FGGY: variants seen among roughly 807,000 people sequenced by gnomAD.
FGGY encodes the protein FGGY carbohydrate kinase domain-containing protein.
In FGGY, 72 loss-of-function variants were observed where a neutral mutation model predicts 71.3. The ratio of observed to expected loss-of-function variants is 1.01; its 90% CI spans 0.84 to 1.23. The LOEUF (loss-of-function observed/expected upper bound fraction) is 1.23, where lower values mean the gene tolerates loss of function less well. Among genes scored for constraint, FGGY ranks in the 50% most tolerant of loss-of-function variants. FGGY has a pLI of 0.00. For missense variants in FGGY, 668 were observed against 682.3 expected (o/e 0.98, Z 0.23); for synonymous variants, 251 against 250.3 (o/e 1.00, Z -0.02).
intron 14 of FGGY, among the ~76,000 whole-genome samples, chr1:59,694,444 T>G (rs1317535268): frequency 6.6e-6 from 1 of 152,108 alleles, no homozygotes; most frequent in Non-Finnish European, 1.5e-5. Context: ...TCTCAAAGTT[T>G]CCATTGTCTA....
intron 14 of FGGY, chr1:59,680,869 T>C (rs1044329220): frequency 3.3e-5 from 5 of 152,176 alleles, no homozygotes; most frequent in African/African-American, 9.7e-5. Flanking sequence ...TAGATACATA[T>C]ACATTGCTAG....
chr1:59,489,929 C>T (rs1419974018), intron 6 of FGGY, among the ~76,000 whole-genome samples: 3 of 152,102 alleles, frequency 2.0e-5, no homozygotes, highest in Non-Finnish European at 4.4e-5. Context: ...AAGATGATAT[C>T]TCATTATGGT....
chr1:59,458,730 A>G (rs776591325), intron 6 of FGGY, among the ~76,000 whole-genome samples: 1 of 152,164 alleles, frequency 6.6e-6, no homozygotes, highest in African/African-American at 2.4e-5. Context: ...TAAGCAGAAT[A>G]TTGCTGTACG....
chr1:59,731,824 A>T (rs1010560728), intron 14 of FGGY, among the ~76,000 whole-genome samples: 1 of 152,046 alleles, frequency 6.6e-6, no homozygotes, highest in African/African-American at 2.4e-5. Context: ...AATCCCCTGG[A>T]ATCTGGCTCT....
chr1:59,534,633 T>A (rs2095261249), intron 7 of FGGY, among the ~76,000 whole-genome samples: 1 of 152,168 alleles, frequency 6.6e-6, no homozygotes, highest in African/African-American at 2.4e-5. Context: ...AGCGGATCTC[T>A]TGGCAGAAAC....
chr1:59,345,994 T>C (rs2051804593), intron 3 of FGGY, among the ~76,000 whole-genome samples: 1 of 152,152 alleles, frequency 6.6e-6, no homozygotes, highest in South Asian at 2.1e-4. Context: ...AATTAATTGG[T>C]AGATGTTTTC....
At chr1:59,598,699 T>C (rs929522898) in intron 8 of FGGY, among the ~76,000 whole-genome samples, 4 of 152,192 alleles carry the variant, frequency 2.6e-5, no homozygotes, top group Non-Finnish European at 5.9e-5. Flanking sequence ...CTTAACCACT[T>C]TGAAACCCCC....
intron 14 of FGGY, among the ~76,000 whole-genome samples, chr1:59,741,672 A>G (rs893220496): frequency 1.3e-5 from 2 of 152,076 alleles, no homozygotes; most frequent in African/African-American, 4.8e-5. Context: ...CAGGCGGGCG[A>G]GGCGCGGTGG....
chr1:59,628,828 G>A (rs1215598811), intron 10 of FGGY, among the ~76,000 whole-genome samples: 1 of 152,156 alleles, frequency 6.6e-6, no homozygotes, highest in Admixed American at 6.5e-5. Flanking sequence ...CTTTGCCTCA[G>A]CTTTGTCGCT....
intron 5 of FGGY, among the ~76,000 whole-genome samples, chr1:59,427,382 C>T (rs1439141425): frequency 6.6e-6 from 1 of 152,190 alleles, no homozygotes; most frequent in South Asian, 2.1e-4. Flanking sequence ...GTGACACTAA[C>T]TGCATAGCTG....
intron 8 of FGGY, among the ~76,000 whole-genome samples, chr1:59,587,948 ATTGACT>A (rs1443069180): frequency 2.6e-5 from 4 of 152,366 alleles, no homozygotes; most frequent in Admixed American, 6.5e-5. Context: ...CTGGACAGAG[ATTGACT>A]TTGACGAGTT....
intron 6 of FGGY, among the ~76,000 whole-genome samples, chr1:59,499,755 AC>A (rs2094166076): frequency 6.6e-6 from 1 of 152,222 alleles, no homozygotes; most frequent in African/African-American, 2.4e-5. Context: ...AACAACAGTA[AC>A]AGCAGACTTA....
chr1:59,627,264 A>G (rs989064511), intron 10 of FGGY, among the ~76,000 whole-genome samples: 1 of 151,820 alleles, frequency 6.6e-6, no homozygotes, highest in African/African-American at 2.4e-5. Context: ...CCATACATAA[A>G]TATTATACTC....
At chr1:59,615,879 A>G (rs965476331) in intron 9 of FGGY, among the ~76,000 whole-genome samples, 5 of 152,240 alleles carry the variant, frequency 3.3e-5, no homozygotes, top group Non-Finnish European at 7.3e-5. Context: ...TTATGTAGCC[A>G]AAAGACACAT....
chr1:59,686,002 C>A (rs2097541009), intron 14 of FGGY, among the ~76,000 whole-genome samples: 1 of 152,212 alleles, frequency 6.6e-6, no homozygotes, highest in Non-Finnish European at 1.5e-5. Context: ...ATCATTATTT[C>A]TTTAAAAATG....
rs987526656 is a variant in FGGY, at chr1:59,499,300, T to A, written c.671-13011T>A. 4.9e-5 allele frequency among the ~76,000 whole-genome samples: 4 copies of A among 81,794 alleles called. 1 individual carries two copies. Among genetic ancestry groups the A allele is most frequent in the Middle Eastern group, 0.013 (2 of 152 alleles). The allele number at this position is 81,794 out of a possible 152,430, so 53.7% of individuals were successfully genotyped here. A position where few individuals can be genotyped will look rare whatever the true frequency, so the allele number is the denominator to read the frequency against. ...CTGAACCCTATGTATACTATGTTTG[T>A]TTTTTTTTTTTTTTTGATCTGGTAA... On this transcript the variant is annotated intron_variant, in intron 6 of 15. Transcript: ENST00000303721.
At chr1:59,570,953 G>T (rs2095975244) in intron 8 of FGGY, among the ~76,000 whole-genome samples, 1 of 152,246 alleles carries the variant, frequency 6.6e-6, no homozygotes, top group African/African-American at 2.4e-5. Context: ...GGTCTCCTTG[G>T]TTTTCCCTGC....
At chr1:59,668,785 C>A (rs2097348186) in intron 13 of FGGY, among the ~76,000 whole-genome samples, 1 of 151,812 alleles carries the variant, frequency 6.6e-6, no homozygotes, top group Admixed American at 6.6e-5. Context: ...GAGTTCGAGA[C>A]CAGCCTGACC....
At chr1:59,440,053 A>T (rs747731375) in intron 5 of FGGY, among the ~76,000 whole-genome samples, 1 of 149,874 alleles carries the variant, frequency 6.7e-6, no homozygotes, top group African/African-American at 2.5e-5. Flanking sequence ...TGCTTAATTT[A>T]TAAGACATAA....
Sources: gnomAD v4.1 joint callset for allele counts (sites outside exome capture counted in the v4.1 genomes callset) on GRCh38, gnomAD v4.1.1 for gene constraint, MANE v1.5 for transcripts, NCBI Gene and HGNC (gene_info 2026-07-23, HGNC 2026-07-21) for gene names.